Variants in PFKFB2 observed in about 807,000 individuals in gnomAD.
The protein encoded by PFKFB2 is 6-phosphofructo-2-kinase/fructose-2,6-biphosphatase 2, also known as 6-phosphofructo-2-kinase/fructose-2,6-bisphosphatase 2.
A neutral mutation model predicts 68.0 loss-of-function variants in PFKFB2; 53 were observed. The observed-to-expected ratio is 0.78, with a 90% confidence interval of 0.63 to 0.98. PFKFB2 has a LOEUF of 0.98. PFKFB2 is among the 50% of genes least tolerant of loss of function. The pLI, the probability that PFKFB2 is intolerant of heterozygous loss-of-function variation, is 0.00. For missense variants in PFKFB2, 451 were observed against 642.0 expected (o/e 0.70, Z 3.22); for synonymous variants, 222 against 227.6 (o/e 0.98, Z 0.22).
intron 1 of PFKFB2, chr1:207,034,519 A>G (rs1682339852): frequency 6.6e-6 from 1 of 152,224 alleles, no homozygotes; most frequent in South Asian, 2.1e-4. Context: ...ACTTATGAGA[A>G]TTAACTTCCA....
At chr1:207,042,549 C>CAAAAAAA (rs57077682) in intron 2 of PFKFB2, among the ~76,000 whole-genome samples, 2,072 of 44,694 alleles carry the variant, frequency 0.046, 440 homozygotes, top group Non-Finnish European at 0.066. Context: ...CTCTGTCTCA[C>CAAAAAAA]AAAAAAAAAA....
At chr1:207,047,253 A>G (rs535902539) in intron 2 of PFKFB2, 2 of 152,692 alleles carry the variant, frequency 1.3e-5, no homozygotes, top group South Asian at 2.1e-4. Context: ...TATGCTGACC[A>G]TAACAGCTTA....
intron 1 of PFKFB2, among the ~76,000 whole-genome samples, chr1:207,054,105 T>C (rs1195784522): frequency 2.6e-5 from 4 of 151,900 alleles, no homozygotes; most frequent in Admixed American, 1.3e-4. Flanking sequence ...GGTTTCACCA[T>C]GTTGGCCAGG....
chr1:207,049,391 A>T, upstream of PFKFB2: 1 of 1,614,126 alleles, frequency 6.2e-7, no homozygotes, highest in Middle Eastern at 1.6e-4. Context: ...GACAAAATCG[A>T]TATCTCTATT....
rs1197719386 is a variant in PFKFB2 at position 207,068,273 on chromosome 1, C to T, written c.951C>T (p.Pro317=). The T allele has an allele frequency of 6.2e-7, 1 of 1,605,064 alleles. No individual in the cohort carries two copies. Among genetic ancestry groups the T allele is most frequent in the Non-Finnish European group, 8.5e-7 (1 of 1,175,818 alleles). ...AGACTGCTGAATCTCTCGGGGTGCCCTATGAGCAGTGGAAGATTCTGAATG... is the reference window on the plus strand; with the variant it reads ...AGACTGCTGAATCTCTCGGGGTGCCTTATGAGCAGTGGAAGATTCTGAATG... ...TIQTAESLGV[P]YEQWKILNEI... The change falls in exon 10 of 15, where the codon CCC becomes CCT. Residue 317 remains proline, a synonymous_variant. Coordinates refer to ENST00000367080, the MANE Select transcript of PFKFB2 (RefSeq NM_006212.2).
intron 7 of PFKFB2, among the ~76,000 whole-genome samples, chr1:207,064,831 C>T (rs1683232729): frequency 6.6e-6 from 1 of 152,058 alleles, no homozygotes; most frequent in South Asian, 2.1e-4. Flanking sequence ...GCACATGACT[C>T]CCCAGTTGTC....
intron 1 of PFKFB2, among the ~76,000 whole-genome samples, chr1:207,038,430 T>C (rs1450831098): frequency 6.6e-6 from 1 of 152,246 alleles, no homozygotes; most frequent in East Asian, 1.9e-4. Context: ...CTGCTTCTAA[T>C]ACTTTATTTC....
rs1572737831 is a variant in PFKFB2 at position 207,073,357 on chromosome 1, T to C, written c.*986T>C. ...GTTCTTTGCCAATCACAGCAACTTT[T>C]CCTGCCAAAGCCAGTATCCTCTGGG... On this transcript the variant is annotated 3_prime_UTR_variant, in exon 15 of 15. Transcript: ENST00000367080. 1 of 985,438 alleles carries C rather than the reference T, an allele frequency of 1.0e-6. No homozygotes were observed. The highest frequency in any genetic ancestry group is 1.2e-6 in the Non-Finnish European group (1 of 829,944). The allele number at this position is 985,438 out of a possible 1,614,324, so 61.0% of individuals were successfully genotyped here.
chr1:207,050,741 C>T (rs779707177), upstream of PFKFB2: 12 of 1,613,382 alleles, frequency 7.4e-6, no homozygotes, highest in East Asian at 2.5e-4. Flanking sequence ...GAGATCCAGG[C>T]ACTCGGGAGG....
chr1:207,076,854 G>C lies in PFKFB2; in HGVS notation c.*4483G>C, dbSNP rs1183911243. The C allele has an allele frequency of 4.1e-6, 4 of 985,204 alleles. No individual in the cohort carries two copies. In the African/African-American group the frequency reaches 7.0e-5, roughly 17 times the overall value. The allele number at this position is 985,204 out of a possible 1,614,324, so 61.0% of individuals were successfully genotyped here. On this transcript the variant is annotated 3_prime_UTR_variant, in exon 15 of 15. Transcript: ENST00000367080. ...ACGGTCTAGGGTCTGTAAGCTGACAGTCTGCCTGCTTTCTGATTGTATCCA... is the reference window on the plus strand; with the variant it reads ...ACGGTCTAGGGTCTGTAAGCTGACACTCTGCCTGCTTTCTGATTGTATCCA...
intron 2 of PFKFB2, chr1:207,042,246 G>A (rs1682489964): frequency 6.6e-6 from 1 of 151,974 alleles, no homozygotes. Flanking sequence ...AATGCAACAT[G>A]ACCAACATTA....
chr1:207,042,964 G>A (rs998201116), intron 2 of PFKFB2, among the ~76,000 whole-genome samples: 4 of 151,854 alleles, frequency 2.6e-5, no homozygotes, highest in East Asian at 3.9e-4. Context: ...GAGATCTCTC[G>A]CAAGTTGATT....
At position 207,072,678 on chromosome 1, in the gene PFKFB2, T is replaced by G. The variant is rs111977500; in HGVS notation, c.*307T>G. The stretch of plus-strand genomic sequence containing the variant: ...AGATACACTCCCTTGGGGCTGAGCA[T>G]GCCCCACACTCTTGGATCTTCTCTC... On this transcript the variant is annotated 3_prime_UTR_variant, in exon 15 of 15. Coordinates refer to ENST00000367080, the MANE Select transcript of PFKFB2 (RefSeq NM_006212.2). 6.1e-4 allele frequency: 680 copies of G among 1,112,982 alleles called. 2 individuals carry two copies. Among genetic ancestry groups the G allele is most frequent in the Middle Eastern group, 4.2e-3 (11 of 2,598 alleles). 68.9% of individuals were successfully genotyped at this position (1,112,982 alleles called of 1,614,324 possible).
chr1:207,037,636 C>G (rs867759371), intron 1 of PFKFB2, among the ~76,000 whole-genome samples: 1 of 152,162 alleles, frequency 6.6e-6, no homozygotes, highest in Non-Finnish European at 1.5e-5. Context: ...CAAATACTTC[C>G]CCCCTTCATC....
At chr1:207,072,062 T>C (rs998322940) in intron 14 of PFKFB2, 142 bp from the exon 15 acceptor site, 2 of 1,423,540 alleles carry the variant, frequency 1.4e-6, no homozygotes, top group Non-Finnish European at 1.9e-6. Context: ...GGCCAGGCCA[T>C]GGGCCATGCC....
intron 1 of PFKFB2, among the ~76,000 whole-genome samples, chr1:207,037,327 G>C (rs887851493): frequency 6.6e-6 from 1 of 152,038 alleles, no homozygotes; most frequent in African/African-American, 2.4e-5. Flanking sequence ...ATCCTTGGTG[G>C]CTCTTTCTTC....
At chr1:207,043,934 C>A (rs1312840487) in intron 2 of PFKFB2, 2 of 152,500 alleles carry the variant, frequency 1.3e-5, no homozygotes, top group Non-Finnish European at 2.9e-5. Flanking sequence ...TAAATAAAAT[C>A]AATGCATCTT....
intron 2 of PFKFB2, among the ~76,000 whole-genome samples, chr1:207,058,586 C>T (rs1473378081): frequency 1.3e-5 from 2 of 152,116 alleles, no homozygotes; most frequent in Admixed American, 1.3e-4. Flanking sequence ...TTATCAAGTC[C>T]TCATTTTTTT....
In PFKFB2 at chr1:207,073,818, G is replaced by T; in HGVS notation, c.*1447G>T. The T allele has an allele frequency of 1.0e-6, 1 of 985,364 alleles. No individual in the cohort carries two copies. Among genetic ancestry groups the T allele is most frequent in the Non-Finnish European group, 1.2e-6 (1 of 829,864 alleles). The allele number at this position is 985,364 out of a possible 1,614,324, so 61.0% of individuals were successfully genotyped here. ...TCTTTCCCAATTTTGCATGCAAAAT[G>T]TACGAATATATGTATGTTTTTCTGA... On this transcript the variant is annotated 3_prime_UTR_variant, in exon 15 of 15. Coordinates refer to ENST00000367080, the MANE Select transcript of PFKFB2 (RefSeq NM_006212.2).
Sources: gnomAD v4.1 joint callset for allele counts (sites outside exome capture counted in the v4.1 genomes callset) on GRCh38, gnomAD v4.1.1 for gene constraint, MANE v1.5 for transcripts, NCBI Gene and HGNC (gene_info 2026-07-23, HGNC 2026-07-21) for gene names.